The following DLG2 variants were observed in gnomAD, a reference collection of about 807,000 sequenced individuals.
DLG2 encodes disks large homolog 2.
DLG2 carries 45 observed loss-of-function variants against 132.5 expected under a neutral mutation model. The observed-to-expected ratio is 0.34, with a 90% CI of 0.27 to 0.44. The LOEUF is 0.44. Ranked by LOEUF, DLG2 falls within the 20% of genes least tolerant of loss-of-function variation. The probability of loss-of-function intolerance (pLI) is 1.00; values close to 1 mark genes in which losing one functional copy is unlikely to be tolerated. For missense variants in DLG2, 1,045 were observed against 1,196.9 expected, an observed-to-expected ratio of 0.87 and a Z score of 1.87; for synonymous variants, 424 against 419.6, an observed-to-expected ratio of 1.01 and a Z score of -0.13.
chr11:85,497,039 T>A (rs1028396476), intron 3 of DLG2, among the ~76,000 whole-genome samples: 3 of 151,694 alleles, frequency 2.0e-5, no homozygotes, highest in Non-Finnish European at 4.4e-5. Context: ...GGAAAACAAC[T>A]CCTCGCCAGC....
chr11:84,761,733 G>T (rs1050008464), intron 6 of DLG2, among the ~76,000 whole-genome samples: 3 of 152,062 alleles, frequency 2.0e-5, no homozygotes, highest in African/African-American at 7.2e-5. Flanking sequence ...GGCTGCTATT[G>T]GCTTCCCTAC....
intron 7 of DLG2, among the ~76,000 whole-genome samples, chr11:84,258,254 G>A (rs985628513): frequency 6.6e-6 from 1 of 152,090 alleles, no homozygotes; most frequent in Non-Finnish European, 1.5e-5. Context: ...ACACATCGAT[G>A]GTTGTGTAAG....
intron 5 of DLG2, among the ~76,000 whole-genome samples, chr11:85,135,638 T>C (rs2076092578): frequency 6.6e-6 from 1 of 152,214 alleles, no homozygotes; most frequent in Non-Finnish European, 1.5e-5. Flanking sequence ...AGGCAGTCCC[T>C]AAGTCATTCA....
At chr11:84,967,440 G>A (rs369266112) in intron 6 of DLG2, among the ~76,000 whole-genome samples, 1 of 152,006 alleles carries the variant, frequency 6.6e-6, no homozygotes, top group Non-Finnish European at 1.5e-5. Context: ...TTTGGGGCAG[G>A]GGCTGACAAA....
At chr11:84,030,760 AG>A (rs1346525482) in intron 11 of DLG2, among the ~76,000 whole-genome samples, 1 of 152,282 alleles carries the variant, frequency 6.6e-6, no homozygotes, top group South Asian at 2.1e-4. Flanking sequence ...TGAAAACAGA[AG>A]GAAGATTGGG....
At chr11:84,236,629 C>T (rs889598823) in intron 8 of DLG2, among the ~76,000 whole-genome samples, 1 of 152,232 alleles carries the variant, frequency 6.6e-6, no homozygotes, top group African/African-American at 2.4e-5. Flanking sequence ...AGCCTGAGGG[C>T]ATGTGCCTTG....
At chr11:85,588,327 A>G (rs2079095996) in intron 3 of DLG2, among the ~76,000 whole-genome samples, 1 of 152,066 alleles carries the variant, frequency 6.6e-6, no homozygotes, top group South Asian at 2.1e-4. Flanking sequence ...AACACCAATT[A>G]TTCTTGGGTT....
At chr11:84,291,460 T>C (rs2097996562) in intron 7 of DLG2, among the ~76,000 whole-genome samples, 1 of 152,172 alleles carries the variant, frequency 6.6e-6, no homozygotes, top group Non-Finnish European at 1.5e-5. Context: ...TATCCCCTCA[T>C]TGAAAACATG....
At chr11:85,468,003 A>G (rs2092853307) in intron 3 of DLG2, among the ~76,000 whole-genome samples, 1 of 152,172 alleles carries the variant, frequency 6.6e-6, no homozygotes, top group Non-Finnish European at 1.5e-5. Flanking sequence ...TTATTGGTCT[A>G]TTCAGAGATT....
chr11:83,606,795 C>T (rs1200580025), intron 19 of DLG2, among the ~76,000 whole-genome samples: 1 of 152,050 alleles, frequency 6.6e-6, no homozygotes, highest in African/African-American at 2.4e-5. Context: ...GGCATGGTGG[C>T]GGGCGCCTGT....
intron 10 of DLG2, among the ~76,000 whole-genome samples, chr11:84,063,158 C>A (rs556314366): frequency 6.6e-6 from 1 of 152,192 alleles, no homozygotes; most frequent in Admixed American, 6.5e-5. Context: ...TCCAATCTCA[C>A]TCTACCAATC....
chr11:85,272,448 G>C (rs910664859), intron 4 of DLG2, among the ~76,000 whole-genome samples: 4 of 152,176 alleles, frequency 2.6e-5, no homozygotes, highest in African/African-American at 9.7e-5. Flanking sequence ...CTAGAAGTCT[G>C]GAAACTCAGG....
At chr11:84,502,162 C>T (rs1002525081) in intron 7 of DLG2, among the ~76,000 whole-genome samples, 24 of 46,690 alleles carry the variant, frequency 5.1e-4, no homozygotes, top group African/African-American at 4.4e-3. Flanking sequence ...TCCTTCCTTT[C>T]TCTCTCTCTC....
intron 6 of DLG2, among the ~76,000 whole-genome samples, chr11:84,653,018 A>G (rs972857419): frequency 2.0e-5 from 3 of 150,104 alleles, no homozygotes; most frequent in African/African-American, 4.9e-5. Flanking sequence ...TGCAACCTCT[A>G]CCTCCCGGGT....
intron 6 of DLG2, among the ~76,000 whole-genome samples, chr11:84,891,728 G>A (rs1600997599): frequency 6.6e-6 from 1 of 152,108 alleles, no homozygotes; most frequent in East Asian, 1.9e-4. Flanking sequence ...AATATATTTT[G>A]GACCCAGAGT....
At chr11:84,993,913 C>T (rs1433085934) in intron 6 of DLG2, among the ~76,000 whole-genome samples, 1 of 152,114 alleles carries the variant, frequency 6.6e-6, no homozygotes, top group Non-Finnish European at 1.5e-5. Flanking sequence ...GACCCCGCAC[C>T]AGCAGCTAGT....
chr11:84,482,319 C>A (rs1050304056), intron 7 of DLG2, among the ~76,000 whole-genome samples: 2 of 152,144 alleles, frequency 1.3e-5, no homozygotes, highest in Non-Finnish European at 2.9e-5. Context: ...TGGAAGTAAT[C>A]TTTCACCAAG....
chr11:84,211,601 G>A (rs956368824), intron 8 of DLG2, among the ~76,000 whole-genome samples: 1 of 151,992 alleles, frequency 6.6e-6, no homozygotes, highest in African/African-American at 2.4e-5. Context: ...TATAATAAAT[G>A]CATGCCCACT....
chr11:83,824,896 G>T (rs1311756249), intron 17 of DLG2, among the ~76,000 whole-genome samples: 1 of 151,898 alleles, frequency 6.6e-6, no homozygotes, highest in Admixed American at 6.6e-5. Context: ...TATTTTCACT[G>T]CACCTTGCTA....
Sources: allele counts gnomAD v4.1 joint callset (sites outside exome capture counted in the v4.1 genomes callset), GRCh38; gene constraint gnomAD v4.1.1; transcripts MANE v1.5; gene names NCBI Gene and HGNC (gene_info 2026-07-23, HGNC 2026-07-21).